The following MASTL variants were observed in gnomAD, a reference collection of about 807,000 sequenced individuals.
The protein encoded by MASTL is microtubule associated serine/threonine kinase like, also known as serine/threonine-protein kinase greatwall.
In MASTL, 54 loss-of-function variants were observed where a neutral mutation model predicts 82.5. That is an observed-to-expected ratio of 0.65 (90% CI 0.53 to 0.82). The LOEUF is 0.82. Ranked by LOEUF, MASTL falls within the 40% of genes least tolerant of loss-of-function variation. The pLI, the probability that MASTL is intolerant of heterozygous loss-of-function variation, is 0.00. For missense variants in MASTL, 950 were observed against 1,047.8 expected, an observed-to-expected ratio of 0.91 and a Z score of 1.29; for synonymous variants, 323 against 368.9, an observed-to-expected ratio of 0.88 and a Z score of 1.43.
chr10:27,156,675 G>GT (rs1362604016), intron 1 of MASTL, among the ~76,000 whole-genome samples: 92 of 146,448 alleles, frequency 6.3e-4, no homozygotes, highest in East Asian at 1.8e-3. Flanking sequence ...GATTTGTGTA[G>GT]TTTTTTTTTT....
intron 9 of MASTL, among the ~76,000 whole-genome samples, chr10:27,180,390 CT>C: frequency 6.6e-6 from 1 of 151,916 alleles, no homozygotes; most frequent in African/African-American, 2.4e-5. Context: ...CTTTTCTTTT[CT>C]TTTCTTTTCT....
At chr10:27,163,527 A>G (rs534008822) in intron 4 of MASTL, among the ~76,000 whole-genome samples, 2 of 152,302 alleles carry the variant, frequency 1.3e-5, no homozygotes, top group South Asian at 4.1e-4. Context: ...GTAAAATATC[A>G]TATACGTGTA....
intron 4 of MASTL, among the ~76,000 whole-genome samples, chr10:27,161,673 G>T (rs1164425913): frequency 6.6e-5 from 10 of 152,016 alleles, no homozygotes; most frequent in South Asian, 2.1e-4. Flanking sequence ...AGGTATAACG[G>T]GTTCTTTTTT....
At chr10:27,177,861 T>C (rs2058150022) in intron 9 of MASTL, 2 of 842,222 alleles carry the variant, frequency 2.4e-6, no homozygotes, top group Non-Finnish European at 2.9e-6. Context: ...CACATTAAAC[T>C]GAACAGTCAA....
At chr10:27,171,791 C>A (rs2057948923) in intron 8 of MASTL, among the ~76,000 whole-genome samples, 1 of 140,662 alleles carries the variant, frequency 7.1e-6, no homozygotes, top group Non-Finnish European at 1.5e-5. Flanking sequence ...TAGATGATCT[C>A]TTCTTAAGAG....
chr10:27,173,214 A>T lies in MASTL; in HGVS notation c.2221A>T (p.Thr741Ser). 1 of 1,614,084 alleles carries T rather than the reference A, an allele frequency of 6.2e-7. No individual in the cohort carries two copies. The highest frequency in any genetic ancestry group is 1.1e-5 in the South Asian group (1 of 91,086). Reference sequence around the variant, plus strand: ...CGTTGATGATGGGCGAATTCTAGGAACCCCAGACTACCTTGCACCTGAGCT... The same window carrying T: ...CGTTGATGATGGGCGAATTCTAGGATCCCCAGACTACCTTGCACCTGAGCT... ...APVDDGRILG[T>S]PDYLAPELLL... The change falls in exon 9 of 12, where the codon ACC becomes TCC. Residue 741 changes from threonine (T) to serine (S), a missense_variant. Transcript: ENST00000375940.
chr10:27,172,614 A>G (rs1253179474), intron 8 of MASTL, among the ~76,000 whole-genome samples: 1 of 152,132 alleles, frequency 6.6e-6, no homozygotes, highest in Non-Finnish European at 1.5e-5. Context: ...AGATCGCACC[A>G]CTGCACTCCA....
chr10:27,177,859 A>C, intron 9 of MASTL: 1 of 855,750 alleles, frequency 1.2e-6, no homozygotes, highest in Non-Finnish European at 1.4e-6. Context: ...AGCACATTAA[A>C]CTGAACAGTC....
At chr10:27,162,177 A>G (rs1453831755) in intron 4 of MASTL, among the ~76,000 whole-genome samples, 1 of 152,246 alleles carries the variant, frequency 6.6e-6, no homozygotes, top group Non-Finnish European at 1.5e-5. Flanking sequence ...GTTTTTAAAT[A>G]TAAAAGTTTT....
intron 9 of MASTL, chr10:27,177,799 A>G: frequency 1.0e-6 from 1 of 970,588 alleles, no homozygotes; most frequent in Non-Finnish European, 1.2e-6. Flanking sequence ...TCTTACATGC[A>G]GGATTTCTGA....
chr10:27,164,416 G>T (rs974192331), intron 4 of MASTL, among the ~76,000 whole-genome samples: 1 of 152,232 alleles, frequency 6.6e-6, no homozygotes, highest in African/African-American at 2.4e-5. Flanking sequence ...TAGGATTACA[G>T]ATGTGAGCCA....
At chr10:27,175,331 C>T (rs1049197204) in intron 9 of MASTL, among the ~76,000 whole-genome samples, 13 of 152,060 alleles carry the variant, frequency 8.5e-5, no homozygotes, top group African/African-American at 1.9e-4. Context: ...TACAGGCATG[C>T]GCCACCATGC....
chr10:27,179,852 G>T (rs547198003), intron 9 of MASTL, among the ~76,000 whole-genome samples: 2 of 152,260 alleles, frequency 1.3e-5, no homozygotes, highest in African/African-American at 4.8e-5. Context: ...GAATAATCAT[G>T]TAAATGTTTA....
At chr10:27,157,177 A>G (rs2057420201) in intron 1 of MASTL, among the ~76,000 whole-genome samples, 1 of 152,158 alleles carries the variant, frequency 6.6e-6, no homozygotes, top group South Asian at 2.1e-4. Flanking sequence ...TCATGTATTA[A>G]GATTCATCTT....
chr10:27,176,854 T>C (rs1172351342), intron 9 of MASTL, among the ~76,000 whole-genome samples: 6 of 149,862 alleles, frequency 4.0e-5, no homozygotes, highest in Non-Finnish European at 7.4e-5. Flanking sequence ...TTTTTCTTTT[T>C]TTTTTTTTTT....
At position 27,171,013 on chromosome 10, in the gene MASTL, G is replaced by A. The variant is rs2136076101; in HGVS notation, c.2054G>A (p.Cys685Tyr). The A allele has an allele frequency of 6.2e-7, 1 of 1,614,068 alleles. No individual in the cohort carries two copies. Among genetic ancestry groups the A allele is most frequent in the Non-Finnish European group, 8.5e-7 (1 of 1,179,952 alleles). The stretch of plus-strand genomic sequence containing the variant: ...TCTTTAGATGCAATGGATATTTCGT[G>A]TGCCTACAGTGGTTCATATCCCATG... ...MTSLDAMDIS[C>Y]AYSGSYPMAI... Residue 685 changes from cysteine (C) to tyrosine (Y), a missense_variant, in exon 8 of 12, where the codon TGT (cysteine) becomes TAT (tyrosine). Transcript: ENST00000375940.
Position 27,187,857 on chromosome 10 carries a change from CATTT to C in MASTL, c.*1327_*1330del, listed in dbSNP as rs1179606945. Among the ~76,000 whole-genome samples, 7 of 152,010 alleles carry C rather than the reference CATTT, an allele frequency of 4.6e-5. No individual in the cohort carries two copies. Among genetic ancestry groups the C allele is most frequent in the Admixed American group, 3.9e-4 (6 of 15,224 alleles). On this transcript the variant is annotated 3_prime_UTR_variant, in exon 12 of 12. Coordinates refer to ENST00000375940, the MANE Select transcript of MASTL (RefSeq NM_001172303.3). ...AATGTGATGCTTTACATCTTATTGT[CATTT>C]ATTTAAAACATGCAACATTATCAGA...
intron 6 of MASTL, 98 bp downstream of exon 6, chr10:27,165,637 G>C: frequency 7.3e-7 from 1 of 1,361,676 alleles, no homozygotes; most frequent in Non-Finnish European, 1.0e-6. Flanking sequence ...TTTTGAGACG[G>C]AGTCTTACTC....
upstream of MASTL, chr10:27,155,247 GCT>G: frequency 1.6e-6 from 1 of 639,800 alleles, no homozygotes. Flanking sequence ...CGAAGTCGGG[GCT>G]TTCCCGACGC....
Sources: allele counts gnomAD v4.1 joint callset (sites outside exome capture counted in the v4.1 genomes callset), GRCh38; gene constraint gnomAD v4.1.1; transcripts MANE v1.5; gene names NCBI Gene and HGNC (gene_info 2026-07-23, HGNC 2026-07-21).